PABPC4L: variants seen among roughly 807,000 people sequenced by gnomAD.
The protein encoded by PABPC4L is poly(A) binding protein cytoplasmic 4 like.
For synonymous variants in PABPC4L, 169 were observed against 164.1 expected (o/e 1.03, Z -0.23); for missense variants, 452 against 451.4 (o/e 1.00, Z -0.01).
chr4:134,175,401 A>ATAATT, the PABPC4L span, among the ~76,000 whole-genome samples: 1 of 151,766 alleles, frequency 6.6e-6, no homozygotes, highest in Admixed American at 6.6e-5. Context: ...CCTTTTTTTA[A>ATAATT]TAATTTAATT....
chr4:134,173,716 G>A, the PABPC4L span, among the ~76,000 whole-genome samples: 1 of 152,072 alleles, frequency 6.6e-6, no homozygotes, highest in Non-Finnish European at 1.5e-5. Context: ...AAATTGGAAT[G>A]TTTGTAACAC....
At chr4:134,168,700 C>T in the PABPC4L span, among the ~76,000 whole-genome samples, 1 of 151,780 alleles carries the variant, frequency 6.6e-6, no homozygotes, top group African/African-American at 2.4e-5. Context: ...ACACATAAAA[C>T]CTACCAAGAT....
At chr4:134,160,671 T>G in the PABPC4L span, among the ~76,000 whole-genome samples, 1 of 152,028 alleles carries the variant, frequency 6.6e-6, no homozygotes, top group Admixed American at 6.5e-5. Flanking sequence ...AGGTCAGAAG[T>G]TAGAGTACAG....
chr4:134,096,682 G>T, the PABPC4L span, among the ~76,000 whole-genome samples: 1 of 151,740 alleles, frequency 6.6e-6, no homozygotes, highest in Non-Finnish European at 1.5e-5. Flanking sequence ...GTGCCTTTTG[G>T]TAAACATTTC....
chr4:134,179,014 G>A, the PABPC4L span, among the ~76,000 whole-genome samples: 2 of 152,024 alleles, frequency 1.3e-5, no homozygotes, highest in Non-Finnish European at 2.9e-5. Context: ...CCTCACCAGA[G>A]AGGCCAACAT....
At chr4:134,178,494 T>TTA in the PABPC4L span, among the ~76,000 whole-genome samples, 2 of 151,458 alleles carry the variant, frequency 1.3e-5, no homozygotes, top group Non-Finnish European at 2.9e-5. Flanking sequence ...AGTGTTTTTT[T>TTA]ACCTCCAAAT....
At chr4:134,077,212 C>T in the PABPC4L span, among the ~76,000 whole-genome samples, 13 of 152,132 alleles carry the variant, frequency 8.5e-5, no homozygotes, top group African/African-American at 3.1e-4. Flanking sequence ...TTGAAAACTT[C>T]TGTACAGCTA....
chr4:134,200,349 T>C lies in PABPC4L; in HGVS notation c.671A>G (p.Asp224Gly). ...AAAGCCTTTGGATTTCCCACTGGAA[T>C]CTGTCATCACCTTAACACTCAGAGT... ...GKTLSVKVMT[D>G]SSGKSKGFGF... The change falls in exon 2 of 2, where the codon GAT (aspartate) becomes GGT (glycine). Residue 224 changes from aspartate to glycine, a missense_variant. Transcript: ENST00000421491. 1 of 1,594,770 alleles carries C rather than the reference T, an allele frequency of 6.3e-7. No homozygotes were observed. Among genetic ancestry groups the C allele is most frequent in the Non-Finnish European group, 8.6e-7 (1 of 1,169,306 alleles).
the PABPC4L span, among the ~76,000 whole-genome samples, chr4:133,999,065 A>ACCT: frequency 6.6e-6 from 1 of 151,984 alleles, no homozygotes; most frequent in Non-Finnish European, 1.5e-5. Flanking sequence ...GAACATATAG[A>ACCT]CCTTGCTAAG....
chr4:134,140,230 C>T, the PABPC4L span, among the ~76,000 whole-genome samples: 288 of 151,636 alleles, frequency 1.9e-3, 1 homozygote, highest in Non-Finnish European at 3.1e-3. Flanking sequence ...AGTACCTTTT[C>T]CACACACACA....
the PABPC4L span, among the ~76,000 whole-genome samples, chr4:134,083,180 A>G: frequency 6.6e-6 from 1 of 152,172 alleles, no homozygotes; most frequent in Non-Finnish European, 1.5e-5. Flanking sequence ...GCCTTTCTGT[A>G]ATATACATTC....
chr4:133,985,167 A>T, the PABPC4L span, among the ~76,000 whole-genome samples: 1 of 151,996 alleles, frequency 6.6e-6, no homozygotes, highest in Non-Finnish European at 1.5e-5. Context: ...ACAATTTTGC[A>T]TATATGTCTG....
chr4:134,139,268 T>C, the PABPC4L span, among the ~76,000 whole-genome samples: 9 of 151,940 alleles, frequency 5.9e-5, no homozygotes, highest in African/African-American at 1.9e-4. Context: ...GATTGGTTCA[T>C]GATAATAGAA....
chr4:134,037,900 C>T, the PABPC4L span, among the ~76,000 whole-genome samples: 13 of 152,096 alleles, frequency 8.5e-5, no homozygotes, highest in East Asian at 1.4e-3. Flanking sequence ...TGCCTTATGC[C>T]GGTTGTCAAA....
the PABPC4L span, among the ~76,000 whole-genome samples, chr4:134,084,937 G>C: frequency 6.6e-5 from 10 of 152,022 alleles, no homozygotes; most frequent in Non-Finnish European, 1.5e-4. Context: ...GAAAAAGAAA[G>C]GAAAACCCTC....
the PABPC4L span, among the ~76,000 whole-genome samples, chr4:134,098,362 A>G: frequency 6.6e-6 from 1 of 151,760 alleles, no homozygotes; most frequent in African/African-American, 2.4e-5. Context: ...TTTGCTAGAC[A>G]TCATACTCTA....
the PABPC4L span, among the ~76,000 whole-genome samples, chr4:134,142,419 A>T: frequency 6.6e-6 from 1 of 151,652 alleles, no homozygotes; most frequent in Non-Finnish European, 1.5e-5. Flanking sequence ...TCTGTGAAGA[A>T]TATGCATAAA....
At chr4:134,074,215 G>A in the PABPC4L span, among the ~76,000 whole-genome samples, 36 of 152,046 alleles carry the variant, frequency 2.4e-4, no homozygotes, top group South Asian at 5.2e-3. Flanking sequence ...ACCCTAAATC[G>A]TCTCTCTCAA....
the PABPC4L span, among the ~76,000 whole-genome samples, chr4:134,046,567 C>T: frequency 9.2e-5 from 14 of 152,134 alleles, no homozygotes; most frequent in East Asian, 3.9e-4. Flanking sequence ...AGACCCCTTA[C>T]GGGTATGGGG....
Sources: allele counts gnomAD v4.1 joint callset (sites outside exome capture counted in the v4.1 genomes callset), GRCh38; gene constraint gnomAD v4.1.1; transcripts MANE v1.5; gene names NCBI Gene and HGNC (gene_info 2026-07-23, HGNC 2026-07-21).